Variants in FIP1L1 observed in about 807,000 individuals in gnomAD.
FIP1L1 encodes factor interacting with PAPOLA and CPSF1.
In FIP1L1, 21 loss-of-function variants were observed where a neutral mutation model predicts 84.6. The ratio of observed to expected loss-of-function variants is 0.25; its 90% confidence interval spans 0.18 to 0.36. FIP1L1 has a LOEUF of 0.36. Ranked by LOEUF, FIP1L1 falls within the 10% of genes least tolerant of loss-of-function variation. FIP1L1 has a pLI of 1.00. For missense variants in FIP1L1, 526 were observed against 751.1 expected (o/e 0.70, Z 3.50); for synonymous variants, 263 against 242.3 (o/e 1.09, Z -0.80).
chr4:53,443,733 CT>C (rs1772993144), intron 14 of FIP1L1, among the ~76,000 whole-genome samples: 1 of 152,068 alleles, frequency 6.6e-6, no homozygotes, highest in African/African-American at 2.4e-5. Flanking sequence ...TTATTTAAGA[CT>C]AAATTTTTAG....
In FIP1L1 at chr4:53,377,734, T is replaced by C; in HGVS notation, c.-105T>C. The C allele has an allele frequency of 1.9e-6, 2 of 1,078,490 alleles. No individual in the cohort carries two copies. Among genetic ancestry groups the C allele is most frequent in the Non-Finnish European group, 2.6e-6 (2 of 778,754 alleles). 66.8% of individuals were successfully genotyped at this position (1,078,490 alleles called of 1,614,324 possible). ...TGGAGTCTCGAGCTTTCTTCGTTCG[T>C]TCGTCGGCGGGTTCGCGCCCTTCTC... On this transcript the variant is annotated 5_prime_UTR_variant, in exon 1 of 18. Transcript: ENST00000337488.
chr4:53,452,817 T>C (rs1448395186), intron 15 of FIP1L1, 103 bp from the exon 16 acceptor site: 1 of 804,500 alleles, frequency 1.2e-6, no homozygotes, highest in Non-Finnish European at 2.0e-6. Context: ...TCTTTTCTAT[T>C]TATAAAATGA....
intron 11 of FIP1L1, among the ~76,000 whole-genome samples, chr4:53,420,694 C>T (rs2149876562): frequency 6.6e-6 from 1 of 152,058 alleles, no homozygotes; most frequent in Non-Finnish European, 1.5e-5. Flanking sequence ...TATTCTTGTG[C>T]TTGTGGAAGT....
chr4:53,417,757 ACACACACTCTCTCTCT>A (rs1760299615), intron 11 of FIP1L1, among the ~76,000 whole-genome samples: 4 of 35,178 alleles, frequency 1.1e-4, no homozygotes, highest in South Asian at 1.9e-3. Flanking sequence ...ACACACACAC[ACACACACTCTCTCTCT>A]CTCTCTCTCT....
Position 53,406,715 on chromosome 4 carries a change from A to G in FIP1L1, c.815+6876A>G, listed in dbSNP as rs184792813. ...TATTATTGGTCTATTCAGGGATTCA[A>G]CTTCTTCCTGGTTTAGTCTTGGGAG... On this transcript the variant is annotated intron_variant, in intron 10 of 17. Transcript: ENST00000337488. Among the ~76,000 whole-genome samples the G allele has an allele frequency of 7.9e-3, 1,209 of 152,242 alleles. 16 individuals carry two copies. Among genetic ancestry groups the G allele is most frequent in the African/African-American group, 0.027 (1,141 of 41,528 alleles).
At chr4:53,400,394 A>G (rs887755897) in intron 10 of FIP1L1, among the ~76,000 whole-genome samples, 21 of 152,348 alleles carry the variant, frequency 1.4e-4, no homozygotes, top group Non-Finnish European at 2.1e-4. Flanking sequence ...AAATGTGACA[A>G]ATGGTTACCC....
chr4:53,420,207 A>AG (rs1365037925), intron 11 of FIP1L1, among the ~76,000 whole-genome samples: 1 of 145,314 alleles, frequency 6.9e-6, no homozygotes, highest in Non-Finnish European at 1.5e-5. Context: ...CAAAAAAAAA[A>AG]AAAAAAAAAA....
intron 11 of FIP1L1, among the ~76,000 whole-genome samples, chr4:53,416,311 T>G (rs1024529580): frequency 1.3e-5 from 2 of 152,226 alleles, no homozygotes; most frequent in African/African-American, 2.4e-5. Context: ...TAAAGAAACT[T>G]AAACTTACAA....
At chr4:53,414,783 CT>C (rs2149764576) in intron 11 of FIP1L1, 61 bp downstream of exon 11, 1 of 1,057,294 alleles carries the variant, frequency 9.5e-7, no homozygotes, top group Admixed American at 2.0e-5. Context: ...GTTGTTATGC[CT>C]TATTAGTAAG....
intron 11 of FIP1L1, among the ~76,000 whole-genome samples, chr4:53,416,327 T>C (rs1446004317): frequency 2.0e-5 from 3 of 152,224 alleles, no homozygotes; most frequent in Non-Finnish European, 4.4e-5. Flanking sequence ...TACAATTGTT[T>C]TGTTGCATAA....
intron 9 of FIP1L1, among the ~76,000 whole-genome samples, chr4:53,396,549 G>A (rs1329014401): frequency 6.6e-6 from 1 of 152,072 alleles, no homozygotes; most frequent in Non-Finnish European, 1.5e-5. Flanking sequence ...GGGATTACAG[G>A]CGCCTGCCAC....
At position 53,459,462 on chromosome 4, in the gene FIP1L1, C is replaced by G; in HGVS notation, c.*13C>G. ...ACCTGCAGAATAGGCATGGTTTTGGCCTTTTGTGTATATTAGTACCAGAAG... is the reference window on the plus strand; with the variant it reads ...ACCTGCAGAATAGGCATGGTTTTGGGCTTTTGTGTATATTAGTACCAGAAG... On this transcript the variant is annotated 3_prime_UTR_variant, in exon 18 of 18. Transcript: ENST00000337488. 1 of 1,612,868 alleles carries G rather than the reference C, an allele frequency of 6.2e-7. No homozygotes were observed. Among genetic ancestry groups the G allele is most frequent in the Non-Finnish European group, 8.5e-7 (1 of 1,179,310 alleles).
chr4:53,397,002 A>G (rs997310588), intron 9 of FIP1L1, among the ~76,000 whole-genome samples: 1 of 152,210 alleles, frequency 6.6e-6, no homozygotes, highest in African/African-American at 2.4e-5. Flanking sequence ...TGAACTCTGC[A>G]GTTTTTACTG....
At chr4:53,444,382 A>G (rs558010901) in intron 15 of FIP1L1, among the ~76,000 whole-genome samples, 2 of 152,140 alleles carry the variant, frequency 1.3e-5, no homozygotes, top group Non-Finnish European at 2.9e-5. Context: ...AATTTGTCTC[A>G]ATCTTCGTTG....
chr4:53,401,161 A>T (rs909707631), intron 10 of FIP1L1, among the ~76,000 whole-genome samples: 3 of 152,212 alleles, frequency 2.0e-5, no homozygotes, highest in Admixed American at 6.5e-5. Flanking sequence ...GTGTTTTAGA[A>T]CAGTGCTGGT....
chr4:53,381,750 A>ATTTTT lies in FIP1L1; in HGVS notation c.171-526_171-525insTTTTT, dbSNP rs1233462083. Among the ~76,000 whole-genome samples, 20 of 63,054 alleles carry ATTTTT rather than the reference A, an allele frequency of 3.2e-4. 1 individual carries two copies. Among genetic ancestry groups the ATTTTT allele is most frequent in the African/African-American group, 8.7e-4 (12 of 13,774 alleles). 41.4% of individuals were successfully genotyped at this position (63,054 alleles called of 152,430 possible). A position where few individuals can be genotyped will look rare whatever the true frequency, so the allele number is the denominator to read the frequency against. On this transcript the variant is annotated intron_variant, in intron 3 of 17. Transcript: ENST00000337488. ...ATTAATAAACTGTGAAGGCATTTGC[A>ATTTTT]TTCTTTTTTTTTTTTTTTTTTTTTT...
chr4:53,404,320 T>A (rs1389938252), intron 10 of FIP1L1, among the ~76,000 whole-genome samples: 4 of 151,844 alleles, frequency 2.6e-5, no homozygotes, highest in Non-Finnish European at 4.4e-5. Flanking sequence ...TTCATCCATG[T>A]CCCTGCAAAG....
chr4:53,441,405 T>C (rs1345673384), intron 13 of FIP1L1, among the ~76,000 whole-genome samples: 1 of 151,916 alleles, frequency 6.6e-6, no homozygotes, highest in African/African-American at 2.4e-5. Flanking sequence ...TGATTATGTG[T>C]GAATGTGTCT....
At chr4:53,391,256 A>G in intron 8 of FIP1L1, 117 bp downstream of exon 8, 1 of 1,292,046 alleles carries the variant, frequency 7.7e-7, no homozygotes, top group Admixed American at 2.3e-5. Context: ...TAAAAATTCC[A>G]TTTTGTTTAC....
Sources: gnomAD v4.1 joint callset for allele counts (sites outside exome capture counted in the v4.1 genomes callset) on GRCh38, gnomAD v4.1.1 for gene constraint, MANE v1.5 for transcripts, NCBI Gene and HGNC (gene_info 2026-07-23, HGNC 2026-07-21) for gene names.